CDADC1: variants seen among roughly 807,000 people sequenced by gnomAD.
The protein encoded by CDADC1 is dCTP deaminase.
A neutral mutation model predicts 54.9 loss-of-function variants in CDADC1; 39 were observed. The ratio of observed to expected loss-of-function variants is 0.71; its 90% CI spans 0.55 to 0.93. The LOEUF is 0.93. CDADC1 is among the 40% of genes least tolerant of loss of function. The probability of loss-of-function intolerance (pLI) is 0.00; values close to 1 mark genes in which losing one functional copy is unlikely to be tolerated. For synonymous variants in CDADC1, 186 were observed against 204.0 expected (o/e 0.91, Z 0.75); for missense variants, 518 against 618.8 (o/e 0.84, Z 1.73).
Position 49,280,711 on chromosome 13 carries a change from A to G in CDADC1, c.1410+13A>G. On this transcript the variant is annotated intron_variant, in intron 8 of 9. Coordinates refer to ENST00000251108, the MANE Select transcript of CDADC1 (RefSeq NM_030911.4). The stretch of plus-strand genomic sequence containing the variant: ...TAGCAAATTTACGGTAAGTAGATAC[A>G]CATTTTTTTCAGGTGTATTTTGTAT... 1 of 1,536,698 alleles carries G rather than the reference A, an allele frequency of 6.5e-7. No homozygotes were observed. Among genetic ancestry groups the G allele is most frequent in the Non-Finnish European group, 8.8e-7 (1 of 1,141,080 alleles).
intron 8 of CDADC1, among the ~76,000 whole-genome samples, chr13:49,283,509 C>CTCATAAAGATTAAGTGACTTAA (rs1566376709): frequency 6.6e-6 from 1 of 152,070 alleles, no homozygotes; most frequent in African/African-American, 2.4e-5. Flanking sequence ...TCAAGTTCTC[C>CTCATAAAGATTAAGTGACTTAA]TCATAAAGAT....
chr13:49,267,177 GGTTT>G (rs1952835306), intron 4 of CDADC1, among the ~76,000 whole-genome samples: 1 of 152,144 alleles, frequency 6.6e-6, no homozygotes, highest in Non-Finnish European at 1.5e-5. Flanking sequence ...TTTCAATAAA[GGTTT>G]ATTTATGGAT....
At chr13:49,274,731 G>T (rs990956693) in intron 6 of CDADC1, among the ~76,000 whole-genome samples, 2 of 151,988 alleles carry the variant, frequency 1.3e-5, no homozygotes, top group East Asian at 1.9e-4. Context: ...ATAAAGATTT[G>T]CTCATCCCTC....
chr13:49,254,966 G>A (rs543580915), intron 2 of CDADC1, among the ~76,000 whole-genome samples: 22 of 152,260 alleles, frequency 1.4e-4, no homozygotes, highest in African/African-American at 4.8e-4. Flanking sequence ...TTCTATTGCT[G>A]CTATAACAGA....
chr13:49,267,553 C>T lies in CDADC1; in HGVS notation c.494C>T (p.Ser165Phe), dbSNP rs1232712549. The T allele has an allele frequency of 1.9e-6, 3 of 1,613,972 alleles. No homozygotes were observed. The highest frequency in any genetic ancestry group is 1.1e-5 in the South Asian group (1 of 91,084). The change falls in exon 5 of 10, where the codon TCT (serine) becomes TTT (phenylalanine). Residue 165 changes from serine to phenylalanine, a missense_variant. Ser to Phe is a radical substitution (Grantham distance 155). Coordinates refer to ENST00000251108, the MANE Select transcript of CDADC1 (RefSeq NM_030911.4). The part of the protein sequence containing the change: ...DPEISLLTEA[S>F]SSEDAKLDAK... ...GAAATAAGTTTGCTTACGGAGGCTTCTAGTTCTGAAGATGCAAAGTTAGAT... is the reference window on the plus strand; with the variant it reads ...GAAATAAGTTTGCTTACGGAGGCTTTTAGTTCTGAAGATGCAAAGTTAGAT...
chr13:49,251,162 C>G (rs1952420685), intron 2 of CDADC1, among the ~76,000 whole-genome samples: 1 of 152,066 alleles, frequency 6.6e-6, no homozygotes, highest in Non-Finnish European at 1.5e-5. Context: ...GTAATCCCAG[C>G]ACTTTGGGAG....
chr13:49,248,991 C>G, intron 2 of CDADC1, 26 bp downstream of exon 2: 2 of 1,460,062 alleles, frequency 1.4e-6, no homozygotes, highest in Non-Finnish European at 1.9e-6. Context: ...TAGTTTTTCC[C>G]CTTAGAAAAG....
At chr13:49,289,189 C>T (rs1317154372) in intron 9 of CDADC1, among the ~76,000 whole-genome samples, 3 of 119,698 alleles carry the variant, frequency 2.5e-5, no homozygotes, top group African/African-American at 3.2e-5. Context: ...AGTGCAGTGG[C>T]GTGATCCTGG....
intron 9 of CDADC1, among the ~76,000 whole-genome samples, chr13:49,291,332 T>A (rs1593865356): frequency 9.5e-6 from 1 of 105,350 alleles, no homozygotes; most frequent in Non-Finnish European, 2.3e-5. Flanking sequence ...AACACCTGTT[T>A]AAAAAAAAAA....
intron 9 of CDADC1, among the ~76,000 whole-genome samples, chr13:49,287,741 GT>G (rs1953564889): frequency 6.6e-6 from 1 of 152,148 alleles, no homozygotes; most frequent in South Asian, 2.1e-4. Flanking sequence ...GAAGGCTGAG[GT>G]GGGTGAATTG....
At chr13:49,267,187 T>C (rs1952835584) in intron 4 of CDADC1, among the ~76,000 whole-genome samples, 1 of 152,204 alleles carries the variant, frequency 6.6e-6, no homozygotes, top group South Asian at 2.1e-4. Context: ...GGTTTATTTA[T>C]GGATACTGAA....
chr13:49,273,248 G>GA (rs2138234712), intron 5 of CDADC1, among the ~76,000 whole-genome samples: 1 of 152,228 alleles, frequency 6.6e-6, no homozygotes, highest in Admixed American at 6.5e-5. Flanking sequence ...TCATTGGAGG[G>GA]ATTCACTTTT....
At chr13:49,265,199 T>G (rs1952789751) in intron 4 of CDADC1, among the ~76,000 whole-genome samples, 1 of 152,250 alleles carries the variant, frequency 6.6e-6, no homozygotes, top group African/African-American at 2.4e-5. Flanking sequence ...ACTGATCTAT[T>G]TTTATAATTG....
intron 4 of CDADC1, 118 bp downstream of exon 4, chr13:49,259,641 A>C: frequency 2.2e-6 from 2 of 917,010 alleles, no homozygotes; most frequent in Non-Finnish European, 3.3e-6. Flanking sequence ...GCCTGAGCCC[A>C]GGAGTTCACA....
chr13:49,291,184 T>TTG (rs1404357213), intron 9 of CDADC1, among the ~76,000 whole-genome samples: 2 of 151,328 alleles, frequency 1.3e-5, no homozygotes, highest in Non-Finnish European at 3.0e-5. Flanking sequence ...TTTTTTTTTT[T>TTG]GAGACAGGGT....
chr13:49,291,690 T>A lies in CDADC1; in HGVS notation c.1478T>A (p.Val493Glu). ...GCGTTATTCTCAATGCTAGATGGTG[T>A]GTTGAGACCTGTCCCACAGAAGGAA... ...QNEPERRENG[V>E]LRPVPQKEEQ... The change falls in exon 10 of 10, where the codon GTG becomes GAG. Residue 493 changes from valine to glutamate, a missense_variant. By Grantham distance (121) the Val-to-Glu change is moderately radical. Transcript: ENST00000251108. 6.2e-7 allele frequency: 1 copy of A among 1,613,738 alleles called. No individual in the cohort carries two copies. The highest frequency in any genetic ancestry group is 8.5e-7 in the Non-Finnish European group (1 of 1,179,900).
intron 8 of CDADC1, 100 bp from the exon 9 acceptor site, chr13:49,286,122 T>C: frequency 2.0e-6 from 2 of 1,000,316 alleles, no homozygotes; most frequent in Non-Finnish European, 3.1e-6. Context: ...CCATTTTTCT[T>C]CCATTTTTAA....
chr13:49,274,919 TATC>T (rs893293319), intron 6 of CDADC1, among the ~76,000 whole-genome samples: 14 of 152,148 alleles, frequency 9.2e-5, no homozygotes, highest in Non-Finnish European at 1.3e-4. Context: ...TTATAACTGA[TATC>T]ATGAGAACAT....
intron 8 of CDADC1, among the ~76,000 whole-genome samples, chr13:49,282,236 GTTTT>G (rs759792512): frequency 4.2e-5 from 4 of 94,140 alleles, no homozygotes; most frequent in African/African-American, 1.2e-4. Flanking sequence ...GTTTTTGTGG[GTTTT>G]TTTTTTTTTT....
Sources: gnomAD v4.1 joint callset for allele counts (sites outside exome capture counted in the v4.1 genomes callset) on GRCh38, gnomAD v4.1.1 for gene constraint, MANE v1.5 for transcripts, NCBI Gene and HGNC (gene_info 2026-07-23, HGNC 2026-07-21) for gene names.